KREMEN1: variants seen among roughly 807,000 people sequenced by gnomAD.
The protein encoded by KREMEN1 is kremen protein 1.
KREMEN1 carries 30 observed loss-of-function variants against 46.5 expected under a neutral mutation model. That is an observed-to-expected ratio of 0.65 (90% CI 0.48 to 0.88). The LOEUF (loss-of-function observed/expected upper bound fraction) is 0.88. KREMEN1 is among the 40% of genes least tolerant of loss of function. KREMEN1 has a pLI of 0.00. For missense variants in KREMEN1, 533 were observed against 596.9 expected, an observed-to-expected ratio of 0.89 and a Z score of 1.11; for synonymous variants, 214 against 230.6, an observed-to-expected ratio of 0.93 and a Z score of 0.65.
intron 3 of KREMEN1, among the ~76,000 whole-genome samples, chr22:29,120,506 ACGGAGGAGGGAGAGGTGATGATG>A (rs2038334225): frequency 7.3e-6 from 1 of 137,402 alleles, no homozygotes; most frequent in African/African-American, 2.8e-5. Context: ...GATAAAGGAA[ACGGAGGAGGGAGAGGTGATGATG>A]GAAACGGAGG....
At chr22:29,075,274 G>A (rs1485312944) in intron 1 of KREMEN1, among the ~76,000 whole-genome samples, 1 of 152,176 alleles carries the variant, frequency 6.6e-6, no homozygotes, top group African/African-American at 2.4e-5. Context: ...AAAGAGAGAG[G>A]TATGGGTGGA....
At chr22:29,138,966 T>G (rs1311984760) in intron 7 of KREMEN1, 184 bp downstream of exon 7, 19 of 846,778 alleles carry the variant, frequency 2.2e-5, no homozygotes, top group Non-Finnish European at 3.5e-5. Flanking sequence ...CTTGGTTCCT[T>G]AGTCCTGAGG....
chr22:29,136,537 T>C (rs2038660138), intron 5 of KREMEN1, among the ~76,000 whole-genome samples: 1 of 149,506 alleles, frequency 6.7e-6, no homozygotes, highest in South Asian at 2.1e-4. Flanking sequence ...ATCACACCAC[T>C]GCACTCCAGC....
At chr22:29,153,345 T>C (rs1432635080) in intron 9 of KREMEN1, among the ~76,000 whole-genome samples, 1 of 152,126 alleles carries the variant, frequency 6.6e-6, no homozygotes, top group Non-Finnish European at 1.5e-5. Flanking sequence ...CCAGCTGGTC[T>C]CAGCCTCATT....
At chr22:29,075,871 G>GT (rs1014976866) in intron 1 of KREMEN1, among the ~76,000 whole-genome samples, 19 of 152,060 alleles carry the variant, frequency 1.2e-4, no homozygotes, top group African/African-American at 4.6e-4. Flanking sequence ...ATTACTGGTG[G>GT]TTTGCATTTT....
rs142371274 is a variant in KREMEN1 at position 29,125,194 on chromosome 22, G to A, written c.478-69G>A. On this transcript the variant is annotated intron_variant, in intron 4 of 8. Coordinates refer to ENST00000400335, the MANE Select transcript of KREMEN1 (RefSeq NM_001039570.3). ...TGATTGCTTGCTGGAAGCCCACCCT[G>A]CCAGGCTCCTTCAGGCCATCTGACA... The A allele has an allele frequency of 3.8e-6, 6 of 1,570,584 alleles. No individual in the cohort carries two copies. In the African/African-American group the frequency reaches 8.1e-5, roughly 21 times the overall value.
chr22:29,073,905 A>G lies in KREMEN1; in HGVS notation c.97+678A>G, dbSNP rs1425640810. ...GCACCGGGACGACTCCCCCGCTACA[A>G]GAGGCTATACGCCCCTCTCCGAGAC... On this transcript the variant is annotated intron_variant, in intron 1 of 8. Coordinates refer to ENST00000400335, the MANE Select transcript of KREMEN1 (RefSeq NM_001039570.3). This position sits in a 1 kb window ranked among gnomAD's most constrained non-coding sequence, Gnocchi z 4.4. Among the ~76,000 whole-genome samples, 1 of 151,780 alleles carries G rather than the reference A, an allele frequency of 6.6e-6. No homozygotes were observed. The highest frequency in any genetic ancestry group is 2.4e-5 in the African/African-American group (1 of 41,322).
At chr22:29,114,145 G>T (rs569236140) in intron 3 of KREMEN1, among the ~76,000 whole-genome samples, 37 of 152,066 alleles carry the variant, frequency 2.4e-4, no homozygotes, top group Non-Finnish European at 4.3e-4. Flanking sequence ...GCTTAGATGA[G>T]GTCATGAGAG....
At chr22:29,165,403 A>C (rs913619160) in intron 9 of KREMEN1, among the ~76,000 whole-genome samples, 6 of 143,660 alleles carry the variant, frequency 4.2e-5, no homozygotes, top group Non-Finnish European at 9.0e-5. Context: ...GCCTGTCACA[A>C]AAAAAAAAAA....
At chr22:29,122,605 A>C (rs1248290446) in intron 4 of KREMEN1, among the ~76,000 whole-genome samples, 1 of 152,188 alleles carries the variant, frequency 6.6e-6, no homozygotes, top group Admixed American at 6.5e-5. Context: ...CAGTATATCC[A>C]TACTGTGGAA....
rs761023660 is a variant in KREMEN1 at position 29,142,047 on chromosome 22, A to T, written c.1312A>T (p.Ile438Phe). 1 of 1,613,014 alleles carries T rather than the reference A, an allele frequency of 6.2e-7. No homozygotes were observed. The highest frequency in any genetic ancestry group is 8.5e-7 in the Non-Finnish European group (1 of 1,179,584). The change falls in exon 9 of 9, where the codon ATC becomes TTC. Residue 438 changes from isoleucine (I) to phenylalanine (F), a missense_variant. Ile to Phe is a conservative substitution (Grantham distance 21). Transcript: ENST00000400335. ...TTACAAGCCTTCCACTTCAATTTCC[A>T]TCTTTAAGAAGAAACTCAAGGGTCA... ...IFYKPSTSIS[I>F]FKKKLKGQSQ...
intron 1 of KREMEN1, among the ~76,000 whole-genome samples, chr22:29,085,696 C>T (rs570945240): frequency 3.1e-4 from 47 of 152,164 alleles, no homozygotes; most frequent in African/African-American, 9.9e-4. Context: ...CTAAGTAGGC[C>T]GGGCACAATA....
chr22:29,095,112 C>A (rs1207359219), intron 2 of KREMEN1, among the ~76,000 whole-genome samples: 1 of 152,118 alleles, frequency 6.6e-6, no homozygotes, highest in Non-Finnish European at 1.5e-5. Flanking sequence ...CATGTGTGAC[C>A]CAAATCTCCC....
downstream of KREMEN1, among the ~76,000 whole-genome samples, chr22:29,150,008 CAG>C (rs1173695763): frequency 2.6e-5 from 4 of 152,348 alleles, no homozygotes; most frequent in Admixed American, 1.3e-4. Context: ...CTCTAGAACT[CAG>C]AGAACTGGGA....
rs1021994126 is a variant in KREMEN1, at chr22:29,145,736, G to A, written c.*3624G>A. On this transcript the variant is annotated 3_prime_UTR_variant, in exon 9 of 9. Coordinates refer to ENST00000400335, the MANE Select transcript of KREMEN1 (RefSeq NM_001039570.3). ...TCCCCCACGTCAGGACAGGCTTGAG[G>A]CCTCTCTGGGCGTGAGCGAGGAAAC... The A allele has an allele frequency of 6.1e-6, 6 of 985,570 alleles. No homozygotes were observed. Among genetic ancestry groups the A allele is most frequent in the Non-Finnish European group, 7.2e-6 (6 of 830,004 alleles). The allele number at this position is 985,570 out of a possible 1,614,324, so 61.1% of individuals were successfully genotyped here.
intron 5 of KREMEN1, chr22:29,134,159 AT>A (rs112578619): frequency 0.066 from 9,640 of 146,002 alleles, 1,002 homozygotes; most frequent in African/African-American, 0.22. Context: ...TTTCCAGTAG[AT>A]TTTTTTTTTT....
chr22:29,104,060 A>T (rs1456206091), intron 3 of KREMEN1, among the ~76,000 whole-genome samples: 1 of 152,166 alleles, frequency 6.6e-6, no homozygotes, highest in African/African-American at 2.4e-5. Flanking sequence ...ATAAAAATTT[A>T]AAATTATTTT....
At chr22:29,083,691 C>T (rs895666119) in intron 1 of KREMEN1, among the ~76,000 whole-genome samples, 1 of 151,922 alleles carries the variant, frequency 6.6e-6, no homozygotes, top group Non-Finnish European at 1.5e-5. Context: ...AGTTAGCCAG[C>T]CATGGTGGTG....
At chr22:29,076,822 A>C (rs1002194898) in intron 1 of KREMEN1, among the ~76,000 whole-genome samples, 1 of 152,246 alleles carries the variant, frequency 6.6e-6, no homozygotes, top group African/African-American at 2.4e-5. Context: ...ATTGCACTCC[A>C]GCCTGGGCAA....
Sources: allele counts gnomAD v4.1 joint callset (sites outside exome capture counted in the v4.1 genomes callset), GRCh38; gene constraint gnomAD v4.1.1; non-coding constraint Gnocchi (gnomAD v3.1); transcripts MANE v1.5; gene names NCBI Gene and HGNC (gene_info 2026-07-23, HGNC 2026-07-21).